Variants in CMPK1 observed in about 807,000 individuals in gnomAD.
CMPK1 encodes the protein cytidine/uridine monophosphate kinase 1.
CMPK1 carries 10 observed loss-of-function variants against 25.7 expected under a neutral mutation model. That is an observed-to-expected ratio of 0.39 (90% confidence interval 0.24 to 0.66). CMPK1 has a LOEUF of 0.66. CMPK1 is among the 30% of genes least tolerant of loss of function. The pLI is 0.48. For missense variants in CMPK1, 199 were observed against 280.5 expected (o/e 0.71, Z 2.08); for synonymous variants, 106 against 101.5 (o/e 1.04, Z -0.27).
chr1:47,377,848 T>C lies in CMPK1; in HGVS notation c.*1103T>C, dbSNP rs1281305397. ...GGCATCATGTTGAAGCACCGAAAGA[T>C]AAATGATTTTTAAAAGGCTATAGAG... On this transcript the variant is annotated 3_prime_UTR_variant, in exon 6 of 6. Coordinates refer to ENST00000371873, the MANE Select transcript of CMPK1 (RefSeq NM_016308.3). 2 of 152,636 alleles carry C rather than the reference T, an allele frequency of 1.3e-5. No homozygotes were observed. 9.5% of individuals were successfully genotyped at this position (152,636 alleles called of 1,614,324 possible). A position where few individuals can be genotyped will look rare whatever the true frequency, so the allele number is the denominator to read the frequency against.
At chr1:47,342,169 C>T (rs559837983) in intron 1 of CMPK1, among the ~76,000 whole-genome samples, 45 of 152,050 alleles carry the variant, frequency 3.0e-4, no homozygotes, top group African/African-American at 1.0e-3. Context: ...GCAACCTCCG[C>T]CTCCTGGGTT....
At chr1:47,368,700 T>C (rs2149333516) in intron 2 of CMPK1, 85 bp downstream of exon 2, 2 of 1,246,106 alleles carry the variant, frequency 1.6e-6, no homozygotes, top group Non-Finnish European at 2.1e-6. Context: ...TTGCTCATGC[T>C]TGTGATCCCA....
intron 1 of CMPK1, among the ~76,000 whole-genome samples, chr1:47,334,621 A>G (rs570385607): frequency 6.6e-6 from 1 of 152,266 alleles, no homozygotes; most frequent in African/African-American, 2.4e-5. Flanking sequence ...TTACTCTAGA[A>G]AGGAGGCCCG....
At chr1:47,360,706 G>A (rs888681917) in intron 1 of CMPK1, among the ~76,000 whole-genome samples, 3 of 152,166 alleles carry the variant, frequency 2.0e-5, no homozygotes, top group Non-Finnish European at 4.4e-5. Context: ...CTCTGTGTCA[G>A]CACATTGCTT....
intron 1 of CMPK1, among the ~76,000 whole-genome samples, chr1:47,342,774 C>T (rs1212545534): frequency 6.6e-6 from 1 of 151,194 alleles, no homozygotes; most frequent in Non-Finnish European, 1.5e-5. Flanking sequence ...CTCAGCCTCC[C>T]AAGTAGCTGG....
chr1:47,370,337 CTA>C (rs1191974750), intron 2 of CMPK1, among the ~76,000 whole-genome samples: 1 of 151,612 alleles, frequency 6.6e-6, no homozygotes, highest in African/African-American at 2.4e-5. Context: ...ACTTTTAAAA[CTA>C]AAATATGTCA....
chr1:47,370,715 A>C (rs1378291518), intron 2 of CMPK1, among the ~76,000 whole-genome samples: 3 of 149,690 alleles, frequency 2.0e-5, no homozygotes, highest in Non-Finnish European at 4.4e-5. Context: ...AAGGTGGGTG[A>C]ATTACGAGGT....
intron 2 of CMPK1, 35 bp downstream of exon 2, chr1:47,368,650 C>T (rs371057284): frequency 2.5e-5 from 37 of 1,466,752 alleles, no homozygotes; most frequent in South Asian, 1.2e-4. Context: ...TTCAAACCAG[C>T]GAGGAAAGAA....
chr1:47,355,377 T>A (rs1476239705), intron 1 of CMPK1, among the ~76,000 whole-genome samples: 1 of 133,124 alleles, frequency 7.5e-6, no homozygotes, highest in East Asian at 2.3e-4. Context: ...AGACAGAGTC[T>A]CACTCTGTCA....
intron 1 of CMPK1, among the ~76,000 whole-genome samples, chr1:47,359,134 T>C (rs979712997): frequency 6.6e-6 from 1 of 151,754 alleles, no homozygotes; most frequent in African/African-American, 2.4e-5. Flanking sequence ...CTGGCTAACA[T>C]GGTGAGACCC....
intron 1 of CMPK1, among the ~76,000 whole-genome samples, chr1:47,361,443 G>A (rs776617827): frequency 3.3e-5 from 5 of 152,110 alleles, no homozygotes; most frequent in African/African-American, 9.7e-5. Flanking sequence ...GGTCAAAGGC[G>A]AACTATAGGA....
At chr1:47,355,345 CTTTTTTTT>C (rs58017732) in intron 1 of CMPK1, among the ~76,000 whole-genome samples, 1 of 104,010 alleles carries the variant, frequency 9.6e-6, no homozygotes, top group Non-Finnish European at 2.0e-5. Context: ...CATGCCCAGT[CTTTTTTTT>C]TTTTTTTTTT....
At chr1:47,343,767 A>G (rs1285555244) in intron 1 of CMPK1, among the ~76,000 whole-genome samples, 2 of 151,978 alleles carry the variant, frequency 1.3e-5, no homozygotes, top group Non-Finnish European at 2.9e-5. Context: ...GGGCGCCTGT[A>G]GTCCAGCTAC....
chr1:47,365,177 T>A (rs1646630683), intron 1 of CMPK1, among the ~76,000 whole-genome samples: 1 of 152,078 alleles, frequency 6.6e-6, no homozygotes, highest in Non-Finnish European at 1.5e-5. Context: ...TGGCAATTTC[T>A]AATTGCCACA....
rs1178369874 is a variant in CMPK1 at position 47,377,705 on chromosome 1, A to G, written c.*960A>G. On this transcript the variant is annotated 3_prime_UTR_variant, in exon 6 of 6. Transcript: ENST00000371873. Reference sequence around the variant, plus strand: ...TTTTATTTTCTTGAATACTTTTTTCATAGTTATTTGTTTAAAAAGATTTAA... The same window carrying G: ...TTTTATTTTCTTGAATACTTTTTTCGTAGTTATTTGTTTAAAAAGATTTAA... The G allele has an allele frequency of 5.2e-5, 8 of 152,466 alleles. No individual in the cohort carries two copies. 9.4% of individuals were successfully genotyped at this position (152,466 alleles called of 1,614,324 possible). A position where few individuals can be genotyped will look rare whatever the true frequency, so the allele number is the denominator to read the frequency against.
At chr1:47,334,264 G>C (rs1570343411) in intron 1 of CMPK1, 148 bp downstream of exon 1, 10 of 716,106 alleles carry the variant, frequency 1.4e-5, no homozygotes, top group African/African-American at 7.5e-5. Flanking sequence ...GGCAGTGGCC[G>C]AGGGCCGCCG....
intron 1 of CMPK1, among the ~76,000 whole-genome samples, chr1:47,367,656 C>T (rs980605246): frequency 4.6e-5 from 7 of 152,102 alleles, no homozygotes; most frequent in Non-Finnish European, 5.9e-5. Context: ...ATATAGTTAT[C>T]TTGGTGTCTT....
chr1:47,335,982 C>A (rs1230672510), intron 1 of CMPK1, among the ~76,000 whole-genome samples: 1 of 152,004 alleles, frequency 6.6e-6, no homozygotes, highest in Non-Finnish European at 1.5e-5. Flanking sequence ...AGGCTGATCT[C>A]GAACTCTTGA....
At chr1:47,365,950 T>C (rs373097931) in intron 1 of CMPK1, among the ~76,000 whole-genome samples, 3 of 152,108 alleles carry the variant, frequency 2.0e-5, no homozygotes, top group African/African-American at 7.2e-5. Flanking sequence ...TCCCAGCACT[T>C]TGGGAGGCCG....
Sources: gnomAD v4.1 joint callset for allele counts (sites outside exome capture counted in the v4.1 genomes callset) on GRCh38, gnomAD v4.1.1 for gene constraint, MANE v1.5 for transcripts, NCBI Gene and HGNC (gene_info 2026-07-23, HGNC 2026-07-21) for gene names.